Variants in ADCY5 observed in about 807,000 individuals in gnomAD.
ADCY5 encodes adenylate cyclase type 5.
A neutral mutation model predicts 119.7 loss-of-function variants in ADCY5; 30 were observed. That is an observed-to-expected ratio of 0.25 (90% CI 0.19 to 0.34). The LOEUF (loss-of-function observed/expected upper bound fraction) is 0.34, where lower values mean the gene tolerates loss of function less well. Ranked by LOEUF, ADCY5 falls within the 10% of genes least tolerant of loss-of-function variation. The pLI, the probability that ADCY5 is intolerant of heterozygous loss-of-function variation, is 1.00. For missense variants in ADCY5, 1,324 were observed against 1,775.2 expected, an observed-to-expected ratio of 0.75 and a Z score of 4.57; for synonymous variants, 753 against 762.2, an observed-to-expected ratio of 0.99 and a Z score of 0.20.
Position 123,284,504 on chromosome 3 carries a change from G to T in ADCY5, c.*104C>A. On this transcript the variant is annotated 3_prime_UTR_variant, in exon 21 of 21. Coordinates refer to ENST00000462833, the MANE Select transcript of ADCY5 (RefSeq NM_183357.3). Reference sequence around the variant, plus strand: ...CCAAGTGGAAAATCTCAGCAGCGCAGCCCTGCGGGCTGGAGCATGGCTTCC... The same window carrying T: ...CCAAGTGGAAAATCTCAGCAGCGCATCCCTGCGGGCTGGAGCATGGCTTCC... The T allele has an allele frequency of 6.5e-7, 1 of 1,531,016 alleles. No individual in the cohort carries two copies. Among genetic ancestry groups the T allele is most frequent in the Non-Finnish European group, 8.9e-7 (1 of 1,128,510 alleles). 94.8% of individuals were successfully genotyped at this position (1,531,016 alleles called of 1,614,324 possible).
intron 2 of ADCY5, among the ~76,000 whole-genome samples, chr3:123,348,279 T>C (rs994307446): frequency 3.3e-5 from 5 of 152,042 alleles, no homozygotes; most frequent in Non-Finnish European, 7.4e-5. Flanking sequence ...GAGCCTCAGG[T>C]TGCTCGTCTG....
In ADCY5 at chr3:123,447,992, C is replaced by T. The variant is rs775571016; in HGVS notation, c.554G>A (p.Gly185Glu). ...CGAGTCCGCCGAGCTGCCGCCATCC[C>T]CGGACCCCTCGCCGCCCTCGACGGC... ...AGAVEGGEGS[G>E]DGGSSADSGS... The change falls in exon 1 of 21, where the codon GGG (glycine) becomes GAG (glutamate). Residue 185 changes from glycine to glutamate, a missense_variant. Physicochemically the swap from Gly to Glu is moderately conservative, Grantham distance 98. This residue lies in a region of ADCY5 where 585 missense variants were observed against 569.9 expected (regional missense o/e 1.03). Coordinates refer to ENST00000462833, the MANE Select transcript of ADCY5 (RefSeq NM_183357.3). 7.5e-7 allele frequency: 1 copy of T among 1,337,324 alleles called. No homozygotes were observed. Among genetic ancestry groups the T allele is most frequent in the Non-Finnish European group, 9.5e-7 (1 of 1,047,770 alleles). 82.8% of individuals were successfully genotyped at this position (1,337,324 alleles called of 1,614,324 possible).
At chr3:123,350,284 G>A (rs903481293) in intron 2 of ADCY5, among the ~76,000 whole-genome samples, 2 of 152,148 alleles carry the variant, frequency 1.3e-5, no homozygotes, top group Admixed American at 6.6e-5. Context: ...CCGGAGCTGC[G>A]TCTTGTCCAG....
intron 1 of ADCY5, among the ~76,000 whole-genome samples, chr3:123,400,230 C>T (rs1702359383): frequency 6.6e-6 from 1 of 152,184 alleles, no homozygotes; most frequent in African/African-American, 2.4e-5. Flanking sequence ...GCCCTTGGAT[C>T]ACTGCTTTTA....
At chr3:123,401,925 C>T (rs1461454631) in intron 1 of ADCY5, among the ~76,000 whole-genome samples, 1 of 152,182 alleles carries the variant, frequency 6.6e-6, no homozygotes, top group African/African-American at 2.4e-5. Context: ...CAGTCAAAGA[C>T]CCGGTGCACA....
At chr3:123,349,800 C>T (rs1209869537) in intron 2 of ADCY5, among the ~76,000 whole-genome samples, 1 of 152,200 alleles carries the variant, frequency 6.6e-6, no homozygotes, top group African/African-American at 2.4e-5. Context: ...GACTGGATGA[C>T]CAGGGTACCC....
intron 12 of ADCY5, among the ~76,000 whole-genome samples, chr3:123,308,280 G>T (rs928171934): frequency 6.6e-6 from 1 of 151,128 alleles, no homozygotes; most frequent in Non-Finnish European, 1.5e-5. Context: ...CTCGTGATCC[G>T]CCCGCCTCAG....
At chr3:123,384,294 A>G (rs533981744) in intron 1 of ADCY5, among the ~76,000 whole-genome samples, 1 of 152,346 alleles carries the variant, frequency 6.6e-6, no homozygotes, top group African/African-American at 2.4e-5. Flanking sequence ...TGGACAGTAC[A>G]TATTATCAAG....
In ADCY5 at chr3:123,300,232, T is replaced by G; in HGVS notation, c.2788A>C (p.Ile930Leu). The change falls in exon 15 of 21, where the codon ATC (isoleucine) becomes CTC (leucine). Residue 930 changes from isoleucine to leucine, a missense_variant. Ile to Leu is a conservative substitution (Grantham distance 5). Coordinates refer to ENST00000462833, the MANE Select transcript of ADCY5 (RefSeq NM_183357.3). ...ACSVFLQISC[I>L]GKLVLMLAIE... ...GCCAGCATGAGCACCAGCTTCCCGA[T>G]GCAGCTGATCTGCAGGAACACGGAG... is the stretch of plus-strand genomic sequence containing the variant. 6.2e-7 allele frequency: 1 copy of G among 1,613,752 alleles called. No homozygotes were observed. The highest frequency in any genetic ancestry group is 8.5e-7 in the Non-Finnish European group (1 of 1,180,034).
chr3:123,317,794 G>A lies in ADCY5; in HGVS notation c.2354+226C>T, dbSNP rs79267267. ...AGCATCTTTCATGCAGCTGTGCAGC[G>A]CCTAGTGAGAGTTGCCCACCCTGGA... On this transcript the variant is annotated intron_variant, in intron 11 of 20. Transcript: ENST00000462833. 0.02 allele frequency among the ~76,000 whole-genome samples: 2,946 copies of A among 149,478 alleles called. 45 individuals are homozygous for A. The highest frequency in any genetic ancestry group is 0.033 in the Non-Finnish European group (2,212 of 67,646).
chr3:123,292,356 G>A (rs943278197), intron 17 of ADCY5, among the ~76,000 whole-genome samples: 6 of 152,152 alleles, frequency 3.9e-5, no homozygotes, highest in African/African-American at 1.4e-4. Context: ...GTCCAGCACG[G>A]AGGAAGAGCT....
At chr3:123,430,075 C>G (rs1017738443) in intron 1 of ADCY5, among the ~76,000 whole-genome samples, 2 of 152,150 alleles carry the variant, frequency 1.3e-5, no homozygotes, top group Non-Finnish European at 2.9e-5. Context: ...CACATCTGTC[C>G]ACGGCAAACA....
intron 16 of ADCY5, chr3:123,297,099 G>A (rs1249958791): frequency 2.0e-6 from 3 of 1,505,162 alleles, no homozygotes; most frequent in Non-Finnish European, 2.7e-6. Context: ...GAGGCCTATG[G>A]GATGATCTGA....
intron 1 of ADCY5, among the ~76,000 whole-genome samples, chr3:123,414,822 G>A (rs1945147413): frequency 1.3e-5 from 2 of 152,124 alleles, no homozygotes; most frequent in East Asian, 1.9e-4. Context: ...CTCCCAAAGT[G>A]CTTGGGATTA....
intron 1 of ADCY5, among the ~76,000 whole-genome samples, chr3:123,396,828 G>GAGAGAGAGAC (rs1944608255): frequency 2.0e-5 from 3 of 150,366 alleles, no homozygotes; most frequent in African/African-American, 4.9e-5. Flanking sequence ...GCGAGAGAGA[G>GAGAGAGAGAC]AGAGAGAGAG....
At chr3:123,441,788 G>A (rs773216567) in intron 1 of ADCY5, among the ~76,000 whole-genome samples, 8 of 152,046 alleles carry the variant, frequency 5.3e-5, no homozygotes, top group Non-Finnish European at 8.8e-5. Context: ...TTCAGACCAG[G>A]CCTCAATCCT....
intron 1 of ADCY5, among the ~76,000 whole-genome samples, chr3:123,388,715 A>C (rs59873306): frequency 6.6e-6 from 1 of 152,070 alleles, no homozygotes; most frequent in Non-Finnish European, 1.5e-5. Flanking sequence ...AAAGAAAGAC[A>C]AGAATGGGAG....
intron 10 of ADCY5, 119 bp from the exon 11 acceptor site, chr3:123,318,236 C>A: frequency 2.8e-6 from 2 of 709,140 alleles, no homozygotes; most frequent in Non-Finnish European, 4.9e-6. Context: ...CAGCCCACTC[C>A]CACAACAGGG....
chr3:123,428,225 C>G, intron 1 of ADCY5, among the ~76,000 whole-genome samples: 1 of 152,214 alleles, frequency 6.6e-6, no homozygotes. Context: ...TTATGGCACA[C>G]ACAGGCAGGA....
Sources: gnomAD v4.1 joint callset for allele counts (sites outside exome capture counted in the v4.1 genomes callset) on GRCh38, gnomAD v4.1.1 for gene constraint, gnomAD v4.1.1 regional missense constraint, MANE v1.5 for transcripts, NCBI Gene and HGNC (gene_info 2026-07-23, HGNC 2026-07-21) for gene names.